DLEU7: variants seen among roughly 807,000 people sequenced by gnomAD.
The protein encoded by DLEU7 is deleted in lymphocytic leukemia 7, also known as leukemia-associated protein 7.
DLEU7 carries 17 observed loss-of-function variants against 16.0 expected under a neutral mutation model. The observed-to-expected ratio is 1.06, with a 90% CI of 0.73 to 1.59. The LOEUF is 1.59. Ranked by LOEUF, DLEU7 falls within the 40% of genes most tolerant of loss-of-function variation. The pLI is 0.00. For synonymous variants in DLEU7, 113 were observed against 139.8 expected (o/e 0.81, Z 1.35); for missense variants, 308 against 314.9 (o/e 0.98, Z 0.17).
intron 1 of DLEU7, among the ~76,000 whole-genome samples, chr13:50,757,512 TC>T (rs1223005421): frequency 2.0e-5 from 3 of 152,204 alleles, no homozygotes; most frequent in African/African-American, 7.2e-5. Flanking sequence ...TTCTAGAGTT[TC>T]CCCACCAGCC....
chr13:50,716,027 A>G (rs1163078842), intron 1 of DLEU7, among the ~76,000 whole-genome samples: 2 of 152,252 alleles, frequency 1.3e-5, no homozygotes, highest in Admixed American at 1.3e-4. Flanking sequence ...GTTAGACTGA[A>G]CTGGACCTTC....
At chr13:50,731,796 C>T (rs1421812467) in intron 1 of DLEU7, among the ~76,000 whole-genome samples, 1 of 152,102 alleles carries the variant, frequency 6.6e-6, no homozygotes, top group East Asian at 1.9e-4. Flanking sequence ...GAATACAAGT[C>T]CCTCCCAATT....
intron 1 of DLEU7, among the ~76,000 whole-genome samples, chr13:50,722,912 TGAC>T (rs1485989692): frequency 2.6e-5 from 4 of 152,204 alleles, no homozygotes; most frequent in Non-Finnish European, 5.9e-5. Flanking sequence ...ACCAGGATAT[TGAC>T]ATCACAGCAT....
chr13:50,750,480 T>G (rs1461132770), intron 1 of DLEU7, among the ~76,000 whole-genome samples: 3 of 152,030 alleles, frequency 2.0e-5, no homozygotes, highest in Non-Finnish European at 2.9e-5. Flanking sequence ...AGAATGATGG[T>G]GATATTTTGG....
chr13:50,762,205 A>G (rs1566242425), intron 1 of DLEU7, among the ~76,000 whole-genome samples: 2 of 151,570 alleles, frequency 1.3e-5, no homozygotes, highest in Non-Finnish European at 2.9e-5. Context: ...AAAAAAAAAA[A>G]AAAAAAGAAA....
At chr13:50,716,155 T>C (rs1873433267) in intron 1 of DLEU7, among the ~76,000 whole-genome samples, 1 of 152,226 alleles carries the variant, frequency 6.6e-6, no homozygotes, top group Admixed American at 6.5e-5. Context: ...TAAGAAAGAA[T>C]AGAATTGCTT....
At chr13:50,787,116 G>C (rs1274576894) in intron 1 of DLEU7, among the ~76,000 whole-genome samples, 1 of 152,042 alleles carries the variant, frequency 6.6e-6, no homozygotes, top group Non-Finnish European at 1.5e-5. Context: ...AATTTTTCTG[G>C]CATCACCTTC....
At chr13:50,834,676 G>A (rs1877392435) in intron 1 of DLEU7, among the ~76,000 whole-genome samples, 1 of 152,064 alleles carries the variant, frequency 6.6e-6, no homozygotes, top group Non-Finnish European at 1.5e-5. Context: ...ATTAGACCCA[G>A]CAATCCCATT....
At chr13:50,809,154 G>A (rs1306355340) in intron 1 of DLEU7, among the ~76,000 whole-genome samples, 1 of 152,052 alleles carries the variant, frequency 6.6e-6, no homozygotes, top group Non-Finnish European at 1.5e-5. Context: ...CTCACCAACC[G>A]GCAGCCCCAT....
chr13:50,781,523 C>G (rs1341314656), intron 1 of DLEU7, among the ~76,000 whole-genome samples: 6 of 152,228 alleles, frequency 3.9e-5, no homozygotes, highest in African/African-American at 1.4e-4. Context: ...TCTAGAGCAT[C>G]TGCAAATGGT....
At chr13:50,760,093 G>T (rs1284560654) in intron 1 of DLEU7, among the ~76,000 whole-genome samples, 2 of 152,146 alleles carry the variant, frequency 1.3e-5, no homozygotes, top group Non-Finnish European at 1.5e-5. Flanking sequence ...GTTTGGTCTG[G>T]TTTTTAGACA....
intron 1 of DLEU7, among the ~76,000 whole-genome samples, chr13:50,769,773 CTT>C: frequency 6.6e-6 from 1 of 152,240 alleles, no homozygotes; most frequent in Non-Finnish European, 1.5e-5. Flanking sequence ...AATGCGGGCT[CTT>C]TTTTGGTTCC....
chr13:50,783,549 C>T (rs980443444), intron 1 of DLEU7, among the ~76,000 whole-genome samples: 2 of 152,110 alleles, frequency 1.3e-5, no homozygotes, highest in African/African-American at 4.8e-5. Context: ...AGTGGAGCTT[C>T]CCTCCCTAGT....
chr13:50,790,782 A>G (rs1875934139), intron 1 of DLEU7, among the ~76,000 whole-genome samples: 1 of 152,180 alleles, frequency 6.6e-6, no homozygotes. Context: ...GGCTTCCTGT[A>G]GAGATTAGCC....
chr13:50,827,513 T>TAA (rs200738869), intron 1 of DLEU7, among the ~76,000 whole-genome samples: 1,606 of 136,894 alleles, frequency 0.012, 30 homozygotes, highest in African/African-American at 0.04. Context: ...ACCCTGTCTC[T>TAA]AAAAAAAAAA....
chr13:50,793,428 A>C (rs1876023867), intron 1 of DLEU7, among the ~76,000 whole-genome samples: 1 of 152,176 alleles, frequency 6.6e-6, no homozygotes, highest in African/African-American at 2.4e-5. Context: ...GAAATCTCCA[A>C]ACTGCTCTCC....
At chr13:50,827,460 C>T (rs1420153640) in intron 1 of DLEU7, among the ~76,000 whole-genome samples, 1 of 151,884 alleles carries the variant, frequency 6.6e-6, no homozygotes, top group Admixed American at 6.6e-5. Flanking sequence ...AAGCAGATTG[C>T]TTGACTCCAG....
intron 1 of DLEU7, among the ~76,000 whole-genome samples, chr13:50,755,203 T>A (rs1046168640): frequency 6.6e-6 from 1 of 152,228 alleles, no homozygotes; most frequent in Non-Finnish European, 1.5e-5. Context: ...TTCCCAGGTG[T>A]TCTTTGTGCT....
At chr13:50,774,973 T>C (rs1875449487) in intron 1 of DLEU7, among the ~76,000 whole-genome samples, 1 of 152,100 alleles carries the variant, frequency 6.6e-6, no homozygotes, top group African/African-American at 2.4e-5. Context: ...TCTGAAAATT[T>C]CCTTTTTTTC....
Sources: gnomAD v4.1 joint callset for allele counts (sites outside exome capture counted in the v4.1 genomes callset) on GRCh38, gnomAD v4.1.1 for gene constraint, MANE v1.5 for transcripts, NCBI Gene and HGNC (gene_info 2026-07-23, HGNC 2026-07-21) for gene names.